The following SMG6 variants were observed in gnomAD, a reference collection of about 807,000 sequenced individuals.
The protein encoded by SMG6 is SMG6 nonsense mediated mRNA decay factor, also known as telomerase-binding protein EST1A.
In SMG6, 66 loss-of-function variants were observed where a neutral mutation model predicts 142.2. That is an observed-to-expected ratio of 0.46 (90% confidence interval 0.38 to 0.57). The LOEUF (loss-of-function observed/expected upper bound fraction) is 0.57. Among genes scored for constraint, SMG6 ranks in the 20% least tolerant of loss-of-function variants. SMG6 has a pLI of 0.00. For missense variants in SMG6, 1,793 were observed against 1,832.0 expected, an observed-to-expected ratio of 0.98 and a Z score of 0.39; for synonymous variants, 779 against 702.4, an observed-to-expected ratio of 1.11 and a Z score of -1.72.
intron 8 of SMG6, among the ~76,000 whole-genome samples, chr17:2,246,872 G>T (rs1021564816): frequency 1.1e-4 from 16 of 152,198 alleles, no homozygotes; most frequent in Admixed American, 7.2e-4. Flanking sequence ...CTTGAACCCG[G>T]GAGGCAGAGG....
intron 13 of SMG6, chr17:2,127,299 T>G: frequency 2.5e-6 from 1 of 407,520 alleles, no homozygotes; most frequent in African/African-American, 2.1e-5. Flanking sequence ...TGATGAAGAG[T>G]TCTGGAAATG....
chr17:2,110,411 C>T (rs1240621388), intron 13 of SMG6, among the ~76,000 whole-genome samples: 1 of 152,166 alleles, frequency 6.6e-6, no homozygotes, highest in African/African-American at 2.4e-5. Context: ...ATGTGATTAA[C>T]TACGAGCTCT....
chr17:2,228,479 A>G (rs7219004), intron 10 of SMG6, among the ~76,000 whole-genome samples: 56,957 of 151,866 alleles, frequency 0.38, 10,971 homozygotes, highest in African/African-American at 0.44. Flanking sequence ...CACCCGCCTC[A>G]GCCTCCCAAA....
Position 2,138,774 on chromosome 17 carries a change from T to C in SMG6, c.3357+33884A>G, listed in dbSNP as rs183938559. ...GTCCACAGTCACATATTTTTAAAAT[T>C]TGATATAATTATCTCCTAGAAATTA... is the stretch of plus-strand genomic sequence containing the variant. On this transcript the variant is annotated intron_variant, in intron 13 of 18. Transcript: ENST00000263073. Among the ~76,000 whole-genome samples, 464 of 152,350 alleles carry C rather than the reference T, an allele frequency of 3.0e-3. 5 individuals are homozygous for C. The highest frequency in any genetic ancestry group is 0.011 in the African/African-American group (447 of 41,570).
chr17:2,221,347 C>G (rs905002836), intron 10 of SMG6, among the ~76,000 whole-genome samples: 5 of 152,150 alleles, frequency 3.3e-5, no homozygotes, highest in Non-Finnish European at 7.4e-5. Flanking sequence ...GCCCCTCCCC[C>G]TTCACTCTCT....
At chr17:2,266,097 A>C in intron 8 of SMG6, 2 of 985,328 alleles carry the variant, frequency 2.0e-6, no homozygotes, top group Non-Finnish European at 2.4e-6. Context: ...CTTTCTGTTC[A>C]CCATGCGTGC....
At chr17:2,180,351 T>G (rs763525103) in intron 12 of SMG6, among the ~76,000 whole-genome samples, 5 of 152,158 alleles carry the variant, frequency 3.3e-5, no homozygotes, top group Non-Finnish European at 5.9e-5. Flanking sequence ...GCTATAATCC[T>G]CTATACCAAT....
chr17:2,125,253 C>T (rs2069834512), intron 13 of SMG6, among the ~76,000 whole-genome samples: 1 of 152,128 alleles, frequency 6.6e-6, no homozygotes, highest in South Asian at 2.1e-4. Flanking sequence ...ACAGAGATAA[C>T]CTGGAGGGAC....
intron 13 of SMG6, among the ~76,000 whole-genome samples, chr17:2,121,106 C>T (rs2069674532): frequency 1.3e-5 from 2 of 152,178 alleles, no homozygotes; most frequent in Admixed American, 1.3e-4. Context: ...TCCAGGGGAT[C>T]TCTAATAAAA....
At chr17:2,062,958 A>G (rs3803809) in intron 18 of SMG6, 20,356 of 152,602 alleles carry the variant, frequency 0.13, 2,188 homozygotes, top group East Asian at 0.59. Context: ...GCAGAGGGGA[A>G]AGGAAGGTGG....
At chr17:2,182,842 A>C (rs2071848391) in intron 12 of SMG6, among the ~76,000 whole-genome samples, 2 of 150,220 alleles carry the variant, frequency 1.3e-5, no homozygotes, top group Non-Finnish European at 3.0e-5. Flanking sequence ...CGAAGACCAC[A>C]CTGAGAGAAT....
chr17:2,254,747 T>C (rs746939259), intron 8 of SMG6, among the ~76,000 whole-genome samples: 6 of 152,124 alleles, frequency 3.9e-5, no homozygotes, highest in Non-Finnish European at 7.3e-5. Context: ...ACTGGGCACA[T>C]TTTATGTACA....
chr17:2,190,440 C>T (rs2072124285), intron 10 of SMG6, among the ~76,000 whole-genome samples: 1 of 152,224 alleles, frequency 6.6e-6, no homozygotes, highest in South Asian at 2.1e-4. Flanking sequence ...AAGACACTCC[C>T]ATGACCCTGG....
In SMG6 at chr17:2,282,700, A is replaced by T. The variant is rs377560191; in HGVS notation, c.2608T>A (p.Ser870Thr). 3.1e-6 allele frequency: 5 copies of T among 1,613,916 alleles called. No homozygotes were observed. In the African/African-American group the frequency reaches 6.7e-5, roughly 22 times the overall value. The stretch of plus-strand genomic sequence containing the variant: ...TTCTCTTGCTCAGAATCCTTCCCAG[A>T]CTCAGTGCCCTGGGAAGACCGTGGA... ...SHPRSSQGTE[S>T]GKDSEQENGL... The change falls in exon 8 of 19, where the codon TCT (serine) becomes ACT (threonine). Residue 870 changes from serine (S) to threonine (T), a missense_variant. Ser to Thr is a moderately conservative substitution (Grantham distance 58). Transcript: ENST00000263073.
chr17:2,063,305 A>C (rs1325421886), intron 18 of SMG6: 1 of 152,250 alleles, frequency 6.6e-6, no homozygotes, highest in East Asian at 1.9e-4. Context: ...ATCCGCCATA[A>C]TCCACATGAT....
In SMG6 at chr17:2,299,470, G is replaced by A. The variant is rs201558389; in HGVS notation, c.1283C>T (p.Ala428Val). 106 of 1,614,156 alleles carry A rather than the reference G, an allele frequency of 6.6e-5. No individual in the cohort carries two copies. The highest frequency in any genetic ancestry group is 2.9e-4 in the African/African-American group (22 of 75,044). Reference protein sequence around the residue: ...SVNSAGSPESAPLGPRLLFGS... With the variant: ...SVNSAGSPESVPLGPRLLFGS... ...AAACAAAAGCCGAGGTCCCAAAGGCGCGGACTCTGGAGAACCTGCTGAATT... is the reference window on the plus strand; with the variant it reads ...AAACAAAAGCCGAGGTCCCAAAGGCACGGACTCTGGAGAACCTGCTGAATT... The change falls in exon 2 of 19, where the codon GCG (alanine) becomes GTG (valine). Residue 428 changes from alanine (A) to valine (V), a missense_variant. Coordinates refer to ENST00000263073, the MANE Select transcript of SMG6 (RefSeq NM_017575.5). The surrounding 1 kb of genome is among the most constrained non-coding windows in gnomAD (Gnocchi z 4.3).
intron 10 of SMG6, among the ~76,000 whole-genome samples, chr17:2,193,258 C>T (rs59536358): frequency 0.017 from 2,652 of 152,294 alleles, 79 homozygotes; most frequent in African/African-American, 0.061. Flanking sequence ...CTCCTGCTTT[C>T]GCCATGTAAA....
At chr17:2,148,899 G>A (rs900730265) in intron 13 of SMG6, among the ~76,000 whole-genome samples, 1 of 151,810 alleles carries the variant, frequency 6.6e-6, no homozygotes, top group Non-Finnish European at 1.5e-5. Flanking sequence ...ATAGAATGAT[G>A]GTTGTCAGGG....
chr17:2,301,246 C>T (rs939593767), intron 1 of SMG6, among the ~76,000 whole-genome samples: 8 of 152,180 alleles, frequency 5.3e-5, no homozygotes, highest in African/African-American at 9.7e-5. Flanking sequence ...GGATGATTCT[C>T]TTCTTCAAGA....
Sources: gnomAD v4.1 joint callset for allele counts (sites outside exome capture counted in the v4.1 genomes callset) on GRCh38, gnomAD v4.1.1 for gene constraint, Gnocchi (gnomAD v3.1) non-coding constraint, MANE v1.5 for transcripts, NCBI Gene and HGNC (gene_info 2026-07-23, HGNC 2026-07-21) for gene names.